The following MTHFD1L variants were observed in gnomAD, a reference collection of about 807,000 sequenced individuals.
MTHFD1L encodes monofunctional C1-tetrahydrofolate synthase, mitochondrial.
A neutral mutation model predicts 119.5 loss-of-function variants in MTHFD1L; 81 were observed. That is an observed-to-expected ratio of 0.68 (90% CI 0.57 to 0.82). The LOEUF (loss-of-function observed/expected upper bound fraction) is 0.82. MTHFD1L is among the 40% of genes least tolerant of loss of function. The pLI, the probability that MTHFD1L is intolerant of heterozygous loss-of-function variation, is 0.00. For synonymous variants in MTHFD1L, 430 were observed against 475.2 expected, an observed-to-expected ratio of 0.90 and a Z score of 1.24; for missense variants, 1,125 against 1,253.4, an observed-to-expected ratio of 0.90 and a Z score of 1.55.
At chr6:150,884,565 A>C (rs1781911038) in intron 5 of MTHFD1L, among the ~76,000 whole-genome samples, 2 of 152,170 alleles carry the variant, frequency 1.3e-5, no homozygotes, top group Non-Finnish European at 2.9e-5. Flanking sequence ...CAGAACTTGA[A>C]GGTCCTAGGG....
chr6:150,969,327 C>G (rs1356413577), intron 19 of MTHFD1L, among the ~76,000 whole-genome samples: 1 of 152,084 alleles, frequency 6.6e-6, no homozygotes, highest in Non-Finnish European at 1.5e-5. Flanking sequence ...TTCTTTGCTG[C>G]CTAATAAATC....
rs537875480 is a variant in MTHFD1L, at chr6:151,013,092, A to G, written c.2266-687A>G. Among the ~76,000 whole-genome samples the G allele has an allele frequency of 5.9e-5, 9 of 152,324 alleles. No individual in the cohort carries two copies. In the East Asian group the frequency reaches 1.7e-3, roughly 29 times the overall value. On this transcript the variant is annotated intron_variant, in intron 21 of 27. Transcript: ENST00000367321. The stretch of plus-strand genomic sequence containing the variant: ...CCAGCAAAGTTGACACATAAGATTA[A>G]CCACAAGGCCAGGCACAGTGTTTCA...
intron 5 of MTHFD1L, among the ~76,000 whole-genome samples, chr6:150,884,417 G>A (rs550703081): frequency 6.6e-5 from 10 of 151,996 alleles, no homozygotes; most frequent in African/African-American, 1.7e-4. Context: ...TGGGATTACA[G>A]GAGTGAGCCA....
intron 26 of MTHFD1L, among the ~76,000 whole-genome samples, chr6:151,041,084 A>G (rs1259841185): frequency 6.6e-6 from 1 of 152,188 alleles, no homozygotes; most frequent in African/African-American, 2.4e-5. Flanking sequence ...GTGCACAGTG[A>G]TGAAATCTCC....
chr6:150,972,561 G>A (rs946352126), intron 20 of MTHFD1L, among the ~76,000 whole-genome samples: 2 of 152,160 alleles, frequency 1.3e-5, no homozygotes, highest in African/African-American at 2.4e-5. Context: ...AGGATTGCTC[G>A]AGCCCAGGAG....
At chr6:150,901,490 A>C (rs1785092344) in intron 7 of MTHFD1L, among the ~76,000 whole-genome samples, 1 of 152,172 alleles carries the variant, frequency 6.6e-6, no homozygotes. Context: ...AAAATAAATA[A>C]ATTAATTAAA....
intron 8 of MTHFD1L, among the ~76,000 whole-genome samples, chr6:150,907,400 G>C (rs1216065966): frequency 6.6e-6 from 1 of 152,206 alleles, no homozygotes; most frequent in Non-Finnish European, 1.5e-5. Flanking sequence ...AGGCGTTACA[G>C]ATGTTCCTCG....
At chr6:151,088,709 G>T (rs1040203135) in intron 26 of MTHFD1L, among the ~76,000 whole-genome samples, 37 of 147,514 alleles carry the variant, frequency 2.5e-4, no homozygotes, top group Non-Finnish European at 4.9e-4. Flanking sequence ...CGCCCGCCTC[G>T]GCCTCCCAAA....
intron 26 of MTHFD1L, among the ~76,000 whole-genome samples, chr6:151,040,896 C>T (rs150621724): frequency 3.9e-5 from 6 of 152,294 alleles, no homozygotes; most frequent in South Asian, 2.1e-4. Context: ...CCAGGCTGTC[C>T]GCTCCTGACG....
chr6:150,901,585 A>C (rs1785106692), intron 7 of MTHFD1L, among the ~76,000 whole-genome samples: 1 of 152,300 alleles, frequency 6.6e-6, no homozygotes, highest in Admixed American at 6.5e-5. Context: ...CATAAACTAC[A>C]GTGTGTCCCA....
intron 19 of MTHFD1L, among the ~76,000 whole-genome samples, chr6:150,965,463 G>A (rs548790738): frequency 5.3e-5 from 8 of 151,904 alleles, no homozygotes; most frequent in Middle Eastern, 3.4e-3. Context: ...GTTCAAGACC[G>A]GCCTGACCAA....
At chr6:150,906,214 C>T (rs1785880560) in intron 8 of MTHFD1L, among the ~76,000 whole-genome samples, 3 of 152,198 alleles carry the variant, frequency 2.0e-5, no homozygotes, top group Admixed American at 2.0e-4. Flanking sequence ...CTTGCATTGA[C>T]CCATGAAGCA....
chr6:150,962,295 T>C (rs2129001546), intron 18 of MTHFD1L, among the ~76,000 whole-genome samples: 1 of 152,276 alleles, frequency 6.6e-6, no homozygotes, highest in South Asian at 2.1e-4. Context: ...CTTAAATGTA[T>C]TTTTGTGTGA....
chr6:151,064,399 G>A (rs1790991265), intron 26 of MTHFD1L, among the ~76,000 whole-genome samples: 2 of 150,842 alleles, frequency 1.3e-5, no homozygotes, highest in Non-Finnish European at 3.0e-5. Context: ...TGCAACCTCC[G>A]CCCCCCCGGA....
intron 20 of MTHFD1L, among the ~76,000 whole-genome samples, chr6:150,982,141 CT>C (rs2128422031): frequency 6.6e-6 from 1 of 150,702 alleles, no homozygotes; most frequent in East Asian, 1.9e-4. Flanking sequence ...AGAGATAATA[CT>C]TTTTAAAAGA....
chr6:150,920,756 A>C (rs1193702819), intron 9 of MTHFD1L, among the ~76,000 whole-genome samples: 2 of 151,642 alleles, frequency 1.3e-5, no homozygotes, highest in African/African-American at 4.8e-5. Flanking sequence ...TCTTTTGTGA[A>C]CACTTAATCT....
chr6:150,918,278 C>A (rs1788321097), intron 8 of MTHFD1L, among the ~76,000 whole-genome samples: 1 of 152,138 alleles, frequency 6.6e-6, no homozygotes, highest in African/African-American at 2.4e-5. Flanking sequence ...GTTGGCCAGG[C>A]TGGTCTTGAA....
At chr6:151,096,875 A>G (rs1439150355) in intron 27 of MTHFD1L, among the ~76,000 whole-genome samples, 1 of 152,232 alleles carries the variant, frequency 6.6e-6, no homozygotes, top group Non-Finnish European at 1.5e-5. Context: ...GCCAAAAAAC[A>G]TCAGAATTGG....
intron 8 of MTHFD1L, among the ~76,000 whole-genome samples, chr6:150,909,658 T>C (rs2128862409): frequency 6.6e-6 from 1 of 152,344 alleles, no homozygotes; most frequent in African/African-American, 2.4e-5. Flanking sequence ...TTAGGACTTA[T>C]TTACTGATGT....
Sources: gnomAD v4.1 joint callset for allele counts (sites outside exome capture counted in the v4.1 genomes callset) on GRCh38, gnomAD v4.1.1 for gene constraint, MANE v1.5 for transcripts, NCBI Gene and HGNC (gene_info 2026-07-23, HGNC 2026-07-21) for gene names.